Variants in CHMP4B observed in about 807,000 individuals in gnomAD.
CHMP4B encodes the protein charged multivesicular body protein 4B, also known as SNF7 homolog associated with Alix 1.
CHMP4B carries 1 observed loss-of-function variant against 25.1 expected under a neutral mutation model. The observed-to-expected ratio is 0.04, with a 90% confidence interval of 0.01 to 0.19. The LOEUF (loss-of-function observed/expected upper bound fraction) is 0.19. Among genes scored for constraint, CHMP4B ranks in the 10% least tolerant of loss-of-function variants. The probability of loss-of-function intolerance (pLI) is 1.00; values close to 1 mark genes in which losing one functional copy is unlikely to be tolerated. For missense variants in CHMP4B, 151 were observed against 289.7 expected, an observed-to-expected ratio of 0.52 and a Z score of 3.48; for synonymous variants, 101 against 115.6, an observed-to-expected ratio of 0.87 and a Z score of 0.81.
chr20:33,851,222 A>G (rs1831795844), intron 3 of CHMP4B, among the ~76,000 whole-genome samples, 156 bp downstream of exon 3: 1 of 152,172 alleles, frequency 6.6e-6, no homozygotes, highest in Non-Finnish European at 1.5e-5. Context: ...TTTGAGGGAC[A>G]CTTTCTCTAT....
At chr20:33,849,335 A>AT in intron 2 of CHMP4B, among the ~76,000 whole-genome samples, 1 of 152,324 alleles carries the variant, frequency 6.6e-6, no homozygotes, top group East Asian at 1.9e-4. Flanking sequence ...GAGGTGGCTC[A>AT]CGCCTATAAT....
intron 1 of CHMP4B, among the ~76,000 whole-genome samples, chr20:33,818,730 C>T (rs576418124): frequency 6.6e-6 from 1 of 152,298 alleles, no homozygotes; most frequent in Admixed American, 6.5e-5. Context: ...CTTGGGGCCA[C>T]AGAGAACAGG....
At chr20:33,818,704 G>A (rs1978850012) in intron 1 of CHMP4B, among the ~76,000 whole-genome samples, 2 of 152,314 alleles carry the variant, frequency 1.3e-5, no homozygotes, top group South Asian at 4.1e-4. Flanking sequence ...TAGAAAACGG[G>A]TTGTGATTTC....
chr20:33,847,558 TTC>T (rs1979720206), intron 1 of CHMP4B, among the ~76,000 whole-genome samples: 1 of 152,152 alleles, frequency 6.6e-6, no homozygotes, highest in African/African-American at 2.4e-5. Context: ...CTGCCACAGA[TTC>T]ACCTTGGTCA....
intron 1 of CHMP4B, among the ~76,000 whole-genome samples, chr20:33,840,203 G>A (rs1366603699): frequency 1.3e-5 from 2 of 150,048 alleles, no homozygotes; most frequent in East Asian, 2.0e-4. Context: ...CGGAGATCGC[G>A]CCACTGCACT....
chr20:33,839,535 GA>G (rs1022895029), intron 1 of CHMP4B, among the ~76,000 whole-genome samples: 4 of 152,112 alleles, frequency 2.6e-5, no homozygotes, highest in Non-Finnish European at 2.9e-5. Context: ...AAATCTACTA[GA>G]AAAAAAATTT....
At chr20:33,832,870 C>G (rs1394446614) in intron 1 of CHMP4B, among the ~76,000 whole-genome samples, 1 of 151,520 alleles carries the variant, frequency 6.6e-6, no homozygotes, top group Non-Finnish European at 1.5e-5. Flanking sequence ...CCTCAAACTC[C>G]TGGTCTCAAG....
chr20:33,831,114 C>T (rs1039236662), intron 1 of CHMP4B, among the ~76,000 whole-genome samples: 169 of 140,194 alleles, frequency 1.2e-3, no homozygotes, highest in African/African-American at 4.1e-3. Context: ...TTTTTTTTTT[C>T]CAGATAGCTT....
At chr20:33,838,043 A>G (rs1200808808) in intron 1 of CHMP4B, among the ~76,000 whole-genome samples, 1 of 152,230 alleles carries the variant, frequency 6.6e-6, no homozygotes, top group Non-Finnish European at 1.5e-5. Flanking sequence ...TAGTCATGGC[A>G]GAGTTGGAAC....
At chr20:33,834,368 TGG>T (rs1185591477) in intron 1 of CHMP4B, among the ~76,000 whole-genome samples, 4 of 152,204 alleles carry the variant, frequency 2.6e-5, no homozygotes, top group Non-Finnish European at 5.9e-5. Flanking sequence ...TGGAGTGCAG[TGG>T]CACAATCATA....
At chr20:33,818,992 C>T (rs1978860304) in intron 1 of CHMP4B, among the ~76,000 whole-genome samples, 1 of 152,128 alleles carries the variant, frequency 6.6e-6, no homozygotes, top group South Asian at 2.1e-4. Context: ...TCACTGCAAC[C>T]TCTGCCTCCC....
At position 33,852,150 on chromosome 20, in the gene CHMP4B, C is replaced by T. The variant is rs1979869060; in HGVS notation, c.557C>T (p.Pro186Leu). The change falls in exon 4 of 5, where the codon CCC (proline) becomes CTC (leucine). Residue 186 changes from proline to leucine, a missense_variant. This residue lies in a region of CHMP4B where 41 missense variants were observed against 50.9 expected (regional missense o/e 0.81). Coordinates refer to ENST00000217402, the MANE Select transcript of CHMP4B (RefSeq NM_176812.5). ...AAGAATTTGCTGGAAATCAGTGGAC[C>T]CGAAACAGTCCCTCTACCAAATGTT... ...LDKNLLEISGPETVPLPNVPS... is the reference protein window; with the variant it reads ...LDKNLLEISGLETVPLPNVPS... The T allele has an allele frequency of 4.3e-6, 7 of 1,614,052 alleles. No individual in the cohort carries two copies. The highest frequency in any genetic ancestry group is 1.3e-5 in the African/African-American group (1 of 74,920).
At chr20:33,847,230 G>A (rs188304464) in intron 1 of CHMP4B, among the ~76,000 whole-genome samples, 72 of 152,120 alleles carry the variant, frequency 4.7e-4, no homozygotes, top group Non-Finnish European at 8.8e-4. Context: ...GTCTGGAGCA[G>A]CCCTCTTCCT....
chr20:33,834,080 A>T (rs914546378), intron 1 of CHMP4B, among the ~76,000 whole-genome samples: 2 of 152,042 alleles, frequency 1.3e-5, no homozygotes, highest in African/African-American at 4.8e-5. Flanking sequence ...TATCCTTTTA[A>T]TATTCCTGGA....
chr20:33,847,766 C>T (rs774028019), intron 1 of CHMP4B, among the ~76,000 whole-genome samples: 1 of 152,136 alleles, frequency 6.6e-6, no homozygotes, highest in Non-Finnish European at 1.5e-5. Flanking sequence ...CATCTTCAGG[C>T]ATGGGGCTTC....
chr20:33,835,728 G>T (rs1387334481), intron 1 of CHMP4B, among the ~76,000 whole-genome samples: 1 of 152,206 alleles, frequency 6.6e-6, no homozygotes, highest in Admixed American at 6.5e-5. Context: ...AAGAAAAGAG[G>T]TTTATTTGGC....
At position 33,831,427 on chromosome 20, in the gene CHMP4B, G is replaced by T. The variant is rs767557945; in HGVS notation, c.191-17040G>T. ...AAAGTTTCTGTGAAGATGAGGTTTC[G>T]CTGTGTTGGCCAGGCTGGTCTTAAA... On this transcript the variant is annotated intron_variant, in intron 1 of 4. Coordinates refer to ENST00000217402, the MANE Select transcript of CHMP4B (RefSeq NM_176812.5). Among the ~76,000 whole-genome samples, 5 of 150,568 alleles carry T rather than the reference G, an allele frequency of 3.3e-5. No individual in the cohort carries two copies. In the South Asian group the frequency reaches 6.3e-4, roughly 19 times the overall value.
intron 1 of CHMP4B, among the ~76,000 whole-genome samples, chr20:33,832,756 T>C (rs1979287058): frequency 1.3e-5 from 2 of 150,776 alleles, no homozygotes; most frequent in South Asian, 4.2e-4. Flanking sequence ...CTGTGCTCTT[T>C]ATAGTTTTAC....
chr20:33,847,897 T>C (rs981384283), intron 1 of CHMP4B, among the ~76,000 whole-genome samples: 1 of 152,196 alleles, frequency 6.6e-6, no homozygotes, highest in African/African-American at 2.4e-5. Context: ...TACACAGTTG[T>C]TGGCTATGAG....
Sources: allele counts gnomAD v4.1 joint callset (sites outside exome capture counted in the v4.1 genomes callset), GRCh38; gene constraint gnomAD v4.1.1; regional missense constraint gnomAD v4.1.1; transcripts MANE v1.5; gene names NCBI Gene and HGNC (gene_info 2026-07-23, HGNC 2026-07-21).